Variants in GRIN2B observed in about 807,000 individuals in gnomAD.
The protein encoded by GRIN2B is glutamate ionotropic receptor NMDA type subunit 2B.
In GRIN2B, 5 loss-of-function variants were observed where a neutral mutation model predicts 114.5. The ratio of observed to expected loss-of-function variants is 0.04; its 90% CI spans 0.02 to 0.09. GRIN2B has a LOEUF of 0.09. Among genes scored for constraint, GRIN2B ranks in the 10% least tolerant of loss-of-function variants. GRIN2B has a pLI of 1.00. For synonymous variants in GRIN2B, 787 were observed against 745.1 expected (o/e 1.06, Z -0.92); for missense variants, 1,108 against 1,943.5 (o/e 0.57, Z 8.08).
chr12:13,766,914 G>A (rs754279834), intron 3 of GRIN2B, among the ~76,000 whole-genome samples: 1 of 152,084 alleles, frequency 6.6e-6, no homozygotes, highest in African/African-American at 2.4e-5. Flanking sequence ...CGTTCCTACC[G>A]TAGAGATGAT....
At chr12:13,780,430 C>A (rs533136034) in intron 3 of GRIN2B, among the ~76,000 whole-genome samples, 1 of 152,264 alleles carries the variant, frequency 6.6e-6, no homozygotes, top group South Asian at 2.1e-4. Flanking sequence ...ATTTGTGTGG[C>A]CTTTAAGCAG....
rs1948313250 is a variant in GRIN2B, at chr12:13,543,859, C to A, written c.*18924G>T. 6.6e-6 allele frequency: 1 copy of A among 152,184 alleles called. No individual in the cohort carries two copies. Among genetic ancestry groups the A allele is most frequent in the East Asian group, 1.9e-4 (1 of 5,196 alleles). The allele number at this position is 152,184 out of a possible 1,614,324, so 9.4% of individuals were successfully genotyped here. ...CCACTTGCATCTGTGCCCAAATGCA[C>A]TATCTCCCTGCTATTAATACAAACA... On this transcript the variant is annotated 3_prime_UTR_variant, in exon 14 of 14. Coordinates refer to ENST00000609686, the MANE Select transcript of GRIN2B (RefSeq NM_000834.5).
intron 3 of GRIN2B, among the ~76,000 whole-genome samples, chr12:13,784,024 C>T (rs1288678255): frequency 1.3e-5 from 2 of 151,894 alleles, no homozygotes; most frequent in African/African-American, 4.8e-5. Flanking sequence ...GAGATCGAGA[C>T]CATCCTGACT....
intron 3 of GRIN2B, among the ~76,000 whole-genome samples, chr12:13,767,497 A>G (rs1402174195): frequency 1.3e-5 from 2 of 152,164 alleles, no homozygotes; most frequent in African/African-American, 4.8e-5. Context: ...CATTAAGTGG[A>G]TATACACTAG....
At chr12:13,877,450 T>C (rs1300508658) in intron 2 of GRIN2B, among the ~76,000 whole-genome samples, 1 of 152,252 alleles carries the variant, frequency 6.6e-6, no homozygotes, top group Non-Finnish European at 1.5e-5. Flanking sequence ...CATAACCGAA[T>C]TGTGAACTTG....
chr12:13,931,955 A>G (rs902572918), intron 2 of GRIN2B, among the ~76,000 whole-genome samples: 1 of 152,106 alleles, frequency 6.6e-6, no homozygotes, highest in Non-Finnish European at 1.5e-5. Context: ...CTTACAAACT[A>G]TTCACTCTCT....
intron 2 of GRIN2B, among the ~76,000 whole-genome samples, chr12:13,967,039 C>T (rs938880645): frequency 2.6e-5 from 4 of 152,138 alleles, no homozygotes; most frequent in Non-Finnish European, 5.9e-5. Flanking sequence ...ATGTAAAAAA[C>T]CCAAGATGAC....
rs757712464 is a variant in GRIN2B at position 13,840,692 on chromosome 12, C to T, written c.411+25106G>A. 3.2e-4 allele frequency among the ~76,000 whole-genome samples: 48 copies of T among 152,282 alleles called. No individual in the cohort carries two copies. The Middle Eastern group carries it at 0.014, about 43-fold the overall frequency. ...TCAGTTCCAGTTAGGTTACTTTCTACCTTTTACCTGTCTAAAAATCACTGG... is the reference window on the plus strand; with the variant it reads ...TCAGTTCCAGTTAGGTTACTTTCTATCTTTTACCTGTCTAAAAATCACTGG... On this transcript the variant is annotated intron_variant, in intron 3 of 13. Coordinates refer to ENST00000609686, the MANE Select transcript of GRIN2B (RefSeq NM_000834.5).
intron 4 of GRIN2B, among the ~76,000 whole-genome samples, chr12:13,696,485 T>C (rs939014526): frequency 2.0e-5 from 3 of 152,188 alleles, no homozygotes; most frequent in African/African-American, 7.2e-5. Context: ...ATCTCAGAGA[T>C]GTCAGTGCAT....
chr12:13,683,468 T>A (rs1950149482), intron 4 of GRIN2B: 1 of 152,148 alleles, frequency 6.6e-6, no homozygotes, highest in South Asian at 2.1e-4. Flanking sequence ...TTTCCTTATT[T>A]TCTTCACCAT....
At chr12:13,692,760 C>CTTTTTTTTTTTTTTTTTTTTTTTTTT (rs71067718) in intron 4 of GRIN2B, among the ~76,000 whole-genome samples, 2 of 52,132 alleles carry the variant, frequency 3.8e-5, no homozygotes, top group Non-Finnish European at 3.6e-5. Context: ...TCTTTCTTTT[C>CTTTTTTTTTTTTTTTTTTTTTTTTTT]TTTTTTTTTT....
intron 2 of GRIN2B, among the ~76,000 whole-genome samples, chr12:13,922,175 G>T (rs1346381863): frequency 6.6e-6 from 1 of 152,062 alleles, no homozygotes; most frequent in African/African-American, 2.4e-5. Flanking sequence ...ATATGCTTAG[G>T]TTAAACAAGT....
chr12:13,691,413 C>T (rs1027110311), intron 4 of GRIN2B, among the ~76,000 whole-genome samples: 6 of 152,206 alleles, frequency 3.9e-5, no homozygotes, highest in Non-Finnish European at 7.3e-5. Context: ...GAATAAGTCT[C>T]TCTGAACCAC....
At chr12:13,613,456 C>G (rs1294189409) in intron 8 of GRIN2B, among the ~76,000 whole-genome samples, 1 of 152,048 alleles carries the variant, frequency 6.6e-6, no homozygotes, top group African/African-American at 2.4e-5. Flanking sequence ...AAGGTTCTTT[C>G]CAATTCATAC....
chr12:13,933,532 C>T (rs143940831), intron 2 of GRIN2B, among the ~76,000 whole-genome samples: 2 of 152,324 alleles, frequency 1.3e-5, no homozygotes, highest in African/African-American at 4.8e-5. Flanking sequence ...TTACTCTCCA[C>T]TTAACCCTGC....
intron 11 of GRIN2B, 33 bp from the exon 12 acceptor site, chr12:13,570,050 A>C: frequency 6.7e-7 from 1 of 1,492,882 alleles, no homozygotes; most frequent in Non-Finnish European, 9.3e-7. Flanking sequence ...AATCCAATGG[A>C]GGAATTTTAG....
chr12:13,551,125 C>T lies in GRIN2B; in HGVS notation c.*11658G>A, dbSNP rs1948406825. 2 of 152,054 alleles carry T rather than the reference C, an allele frequency of 1.3e-5. No homozygotes were observed. The highest frequency in any genetic ancestry group is 1.3e-4 in the Admixed American group (2 of 15,264). The allele number at this position is 152,054 out of a possible 1,614,324, so 9.4% of individuals were successfully genotyped here. On this transcript the variant is annotated 3_prime_UTR_variant, in exon 14 of 14. Transcript: ENST00000609686. Reference sequence around the variant, plus strand: ...ACCTTGATATTTTTCTTGCTCCTGACCCTGGGAGAGAGAGAACAGATAAAT... The same window carrying T: ...ACCTTGATATTTTTCTTGCTCCTGATCCTGGGAGAGAGAGAACAGATAAAT...
At position 13,723,178 on chromosome 12, in the gene GRIN2B, T is replaced by C. The variant is rs144362790; in HGVS notation, c.1010+30139A>G. On this transcript the variant is annotated intron_variant, in intron 4 of 13. Coordinates refer to ENST00000609686, the MANE Select transcript of GRIN2B (RefSeq NM_000834.5). ...ATTATACTTTAAGTTCTGGGATACATGTACAGAATGTGCAGGTTTGTTACA... is the reference window on the plus strand; with the variant it reads ...ATTATACTTTAAGTTCTGGGATACACGTACAGAATGTGCAGGTTTGTTACA... Among the ~76,000 whole-genome samples, 350 of 152,082 alleles carry C rather than the reference T, an allele frequency of 2.3e-3. 2 individuals are homozygous for C. Among genetic ancestry groups the C allele is most frequent in the African/African-American group, 8.2e-3 (340 of 41,488 alleles).
chr12:13,631,411 A>G (rs1949614835), intron 5 of GRIN2B, among the ~76,000 whole-genome samples: 1 of 152,218 alleles, frequency 6.6e-6, no homozygotes, highest in African/African-American at 2.4e-5. Context: ...AAATACCCTC[A>G]TATAGGTTTG....
Sources: gnomAD v4.1 joint callset for allele counts (sites outside exome capture counted in the v4.1 genomes callset) on GRCh38, gnomAD v4.1.1 for gene constraint, MANE v1.5 for transcripts, NCBI Gene and HGNC (gene_info 2026-07-23, HGNC 2026-07-21) for gene names.